The following CCDC88B variants were observed in gnomAD, a reference collection of about 807,000 sequenced individuals.
The protein encoded by CCDC88B is coiled-coil and HOOK domain protein 88B.
Under a neutral mutation model 183.7 loss-of-function variants are expected in CCDC88B, and 138 were observed. The observed-to-expected ratio is 0.75, with a 90% CI of 0.65 to 0.87. The LOEUF is 0.87. CCDC88B is among the 40% of genes least tolerant of loss of function. The probability of loss-of-function intolerance (pLI) is 0.00; values close to 1 mark genes in which losing one functional copy is unlikely to be tolerated. For synonymous variants in CCDC88B, 835 were observed against 867.5 expected (o/e 0.96, Z 0.66); for missense variants, 1,822 against 1,965.6 (o/e 0.93, Z 1.38).
Position 64,344,220 on chromosome 11 carries a change from G to C in CCDC88B, c.1679G>C (p.Ser560Thr), listed in dbSNP as rs754199185. The change falls in exon 14 of 27, where the codon AGT becomes ACT. Residue 560 changes from serine (S) to threonine (T), a missense_variant. By Grantham distance (58) the Ser-to-Thr change is moderately conservative. Coordinates refer to ENST00000356786, the MANE Select transcript of CCDC88B (RefSeq NM_032251.6). This position sits in a 1 kb window ranked among gnomAD's most constrained non-coding sequence, Gnocchi z 4.5. ...GATTCAGACCCACAGGAGGCAGAGA[G>C]TCCCCTTCAGGCAGCTGCCATGGAC... ...APDSDPQEAE[S>T]PLQAAAMDPQ... The C allele has an allele frequency of 6.2e-7, 1 of 1,612,394 alleles. No individual in the cohort carries two copies. The highest frequency in any genetic ancestry group is 8.5e-7 in the Non-Finnish European group (1 of 1,179,320).
intron 10 of CCDC88B, among the ~76,000 whole-genome samples, 163 bp from the exon 11 acceptor site, chr11:64,343,016 G>A (rs1254319516): frequency 4.0e-5 from 6 of 151,344 alleles, no homozygotes; most frequent in African/African-American, 1.2e-4. Flanking sequence ...GATCTTGGTG[G>A]GAAGAAGATG....
At chr11:64,348,857 C>A (rs778919429) in intron 14 of CCDC88B, 33 of 612,246 alleles carry the variant, frequency 5.4e-5, no homozygotes, top group Non-Finnish European at 7.8e-5. Context: ...GCCCCCTGCC[C>A]CCCCAGCCCC....
chr11:64,346,134 CT>C (rs759603753), intron 14 of CCDC88B, among the ~76,000 whole-genome samples: 1 of 152,172 alleles, frequency 6.6e-6, no homozygotes, highest in Non-Finnish European at 1.5e-5. Flanking sequence ...CAGGGTAGAA[CT>C]GTGTGGGGCT....
Position 64,354,179 on chromosome 11 carries a change from G to A in CCDC88B, c.4099+9G>A. ...GGAGGCAGATGGGACAGGTGGGTCT[G>A]GGGGTCAGGTGGCCAGGATGGTCCC... On this transcript the variant is annotated intron_variant, in intron 24 of 26. Transcript: ENST00000356786. 3.0e-6 allele frequency: 4 copies of A among 1,342,566 alleles called. No individual in the cohort carries two copies. The highest frequency in any genetic ancestry group is 3.8e-6 in the Non-Finnish European group (4 of 1,040,792). The allele number at this position is 1,342,566 out of a possible 1,614,324, so 83.2% of individuals were successfully genotyped here.
Position 64,357,388 on chromosome 11 carries a change from G to A in CCDC88B, c.*294G>A. 1 of 717,512 alleles carries A rather than the reference G, an allele frequency of 1.4e-6. No individual in the cohort carries two copies. Among genetic ancestry groups the A allele is most frequent in the Non-Finnish European group, 2.6e-6 (1 of 385,114 alleles). 44.4% of individuals were successfully genotyped at this position (717,512 alleles called of 1,614,324 possible). A position where few individuals can be genotyped will look rare whatever the true frequency, so the allele number is the denominator to read the frequency against. On this transcript the variant is annotated 3_prime_UTR_variant, in exon 27 of 27. Transcript: ENST00000356786. Reference sequence around the variant, plus strand: ...TCTCTGGGGGATCCCCCAGCTGAAGGAGGCTGGCAGGAGTTGGCAAGAGAA... The same window carrying A: ...TCTCTGGGGGATCCCCCAGCTGAAGAAGGCTGGCAGGAGTTGGCAAGAGAA...
intron 16 of CCDC88B, 45 bp downstream of exon 16, chr11:64,349,713 C>T (rs758451859): frequency 1.3e-4 from 198 of 1,520,874 alleles, no homozygotes; most frequent in Non-Finnish European, 1.8e-4. Flanking sequence ...CCACCCTGCC[C>T]TCCATCCCAT....
intron 24 of CCDC88B, among the ~76,000 whole-genome samples, chr11:64,354,426 G>A (rs1359679485): frequency 6.6e-6 from 1 of 152,118 alleles, no homozygotes; most frequent in Admixed American, 6.5e-5. Context: ...GATCTGGGAG[G>A]TGCAGTGGAC....
Position 64,357,051 on chromosome 11 carries a change from A to G in CCDC88B, c.4388A>G (p.Gln1463Arg). 1 of 1,598,308 alleles carries G rather than the reference A, an allele frequency of 6.3e-7. No homozygotes were observed. Among genetic ancestry groups the G allele is most frequent in the Non-Finnish European group, 8.5e-7 (1 of 1,170,628 alleles). Reference sequence around the variant, plus strand: ...CCTTTCCCTCTAGGCCCTGAGGTACAGGAACCGGAGAAACGTCCCCTCACC... The same window carrying G: ...CCTTTCCCTCTAGGCCCTGAGGTACGGGAACCGGAGAAACGTCCCCTCACC... ...TDANREGPEV[Q>R]EPEKRPLTPS... Residue 1463 changes from glutamine to arginine, a missense_variant, in exon 27 of 27, where the codon CAG becomes CGG. Transcript: ENST00000356786.
At position 64,344,532 on chromosome 11, in the gene CCDC88B, A is replaced by G; in HGVS notation, c.1991A>G (p.Glu664Gly). 3 of 1,605,582 alleles carry G rather than the reference A, an allele frequency of 1.9e-6. No homozygotes were observed. Among genetic ancestry groups the G allele is most frequent in the South Asian group, 1.1e-5 (1 of 90,272 alleles). ...AGCTCTGTGCAGCTGGAGGAGCAGG[A>G]GGGCCCAAACCAGGGCCTGGACCTG... ...EPSSVQLEEQ[E>G]GPNQGLDLAT... is the part of the protein sequence containing the mutation. Residue 664 changes from glutamate (E) to glycine (G), a missense_variant, in exon 14 of 27, where the codon GAG (glutamate) becomes GGG (glycine). Coordinates refer to ENST00000356786, the MANE Select transcript of CCDC88B (RefSeq NM_032251.6). This position sits in a 1 kb window ranked among gnomAD's most constrained non-coding sequence, Gnocchi z 4.5.
intron 16 of CCDC88B, 69 bp from the exon 17 acceptor site, chr11:64,351,091 G>T (rs1481478336): frequency 2.6e-6 from 3 of 1,163,110 alleles, no homozygotes; most frequent in African/African-American, 1.6e-5. Flanking sequence ...GTCCATAAGC[G>T]CAGGTCCTTG....
At chr11:64,346,510 G>C (rs1029791411) in intron 14 of CCDC88B, among the ~76,000 whole-genome samples, 2 of 150,580 alleles carry the variant, frequency 1.3e-5, no homozygotes, top group African/African-American at 4.9e-5. Context: ...GTGCTATCTC[G>C]GCTCACTGCA....
At chr11:64,351,034 T>G in intron 16 of CCDC88B, 126 bp from the exon 17 acceptor site, 1 of 586,560 alleles carries the variant, frequency 1.7e-6, no homozygotes, top group South Asian at 2.6e-5. Flanking sequence ...AGGGAAGGCA[T>G]GGGATTGGGG....
Position 64,343,279 on chromosome 11 carries a change from A to G in CCDC88B, c.1163A>G (p.Gln388Arg), listed in dbSNP as rs1404647836. 53 of 1,549,802 alleles carry G rather than the reference A, an allele frequency of 3.4e-5. No homozygotes were observed. Among genetic ancestry groups the G allele is most frequent in the Non-Finnish European group, 4.3e-5 (49 of 1,146,810 alleles). The part of the protein sequence containing the change: ...RERCARLHET[Q>R]RENLLLRTRL... Reference sequence around the variant, plus strand: ...CGCTGCGCCCGGCTGCACGAGACCCAGCGCGAGAACCTGCTGCTGCGAACC... The same window carrying G: ...CGCTGCGCCCGGCTGCACGAGACCCGGCGCGAGAACCTGCTGCTGCGAACC... Residue 388 changes from glutamine to arginine, a missense_variant, in exon 11 of 27, where the codon CAG becomes CGG. Coordinates refer to ENST00000356786, the MANE Select transcript of CCDC88B (RefSeq NM_032251.6).
At position 64,352,791 on chromosome 11, in the gene CCDC88B, T is replaced by G. The variant is rs1591296834; in HGVS notation, c.3404T>G (p.Val1135Gly). Residue 1135 changes from valine (V) to glycine (G), a missense_variant, in exon 20 of 27, where the codon GTG becomes GGG. Val to Gly is a moderately radical substitution (Grantham distance 109, BLOSUM62 -3). Transcript: ENST00000356786. ...CGGGCCAGCGTGGAGGCACAGGAGG[T>G]GGCCCTGCTGGCAGAGCGTGAACGC... ...AQRASVEAQE[V>G]ALLAERERLM... The G allele has an allele frequency of 1.2e-6, 2 of 1,613,306 alleles. No individual in the cohort carries two copies. Among genetic ancestry groups the G allele is most frequent in the East Asian group, 4.5e-5 (2 of 44,876 alleles).
At position 64,353,702 on chromosome 11, in the gene CCDC88B, T is replaced by C. The variant is rs2036432509; in HGVS notation, c.3834-13T>C. ...GGGCCTCACACCCACCTCTCCCTTCTCACTCCTGCCAGGGACCAGCTTAAT... is the reference window on the plus strand; with the variant it reads ...GGGCCTCACACCCACCTCTCCCTTCCCACTCCTGCCAGGGACCAGCTTAAT... On this transcript the variant is annotated splice_polypyrimidine_tract_variant and intron_variant, in intron 22 of 26. Transcript: ENST00000356786. 1 of 1,613,772 alleles carries C rather than the reference T, an allele frequency of 6.2e-7. No individual in the cohort carries two copies.
Position 64,340,946 on chromosome 11 carries a change from C to A in CCDC88B, c.246C>A (p.Gly82=). 1 of 1,593,412 alleles carries A rather than the reference C, an allele frequency of 6.3e-7. No individual in the cohort carries two copies. Among genetic ancestry groups the A allele is most frequent in the Non-Finnish European group, 8.6e-7 (1 of 1,169,076 alleles). Residue 82 remains glycine (G), a synonymous_variant, in exon 3 of 27, where the codon GGC becomes GGA. Coordinates refer to ENST00000356786, the MANE Select transcript of CCDC88B (RefSeq NM_032251.6). ...SSRGGPRMLR[G]LDGPAAWRVW... is the part of the protein sequence containing the mutation. ...GAGGGGGACCTCGGATGCTCAGAGG[C>A]CTTGACGGACCTGCTGCCTGGCGAG...
intron 9 of CCDC88B, 36 bp downstream of exon 9, chr11:64,342,411 C>G: frequency 1.3e-6 from 2 of 1,552,746 alleles, no homozygotes; most frequent in Non-Finnish European, 1.7e-6. Context: ...GCGGCATTCC[C>G]TAACCTCCCC....
chr11:64,342,174 G>A (rs769291514), intron 8 of CCDC88B, 35 bp downstream of exon 8: 1 of 1,600,046 alleles, frequency 6.2e-7, no homozygotes, highest in Non-Finnish European at 8.5e-7. Context: ...GGACTGAGTG[G>A]AGAGGGGCAG....
rs771840854 is a variant in CCDC88B, at chr11:64,357,255, C to G, written c.*161C>G. ...ATCCTCCACGGTCAGCGCCGGGGCC[C>G]GGAGATGGAGCTGGGACGAGTGTGT... is the stretch of plus-strand genomic sequence containing the variant. On this transcript the variant is annotated 3_prime_UTR_variant, in exon 27 of 27. Coordinates refer to ENST00000356786, the MANE Select transcript of CCDC88B (RefSeq NM_032251.6). 2 of 855,610 alleles carry G rather than the reference C, an allele frequency of 2.3e-6. No homozygotes were observed. Among genetic ancestry groups the G allele is most frequent in the Middle Eastern group, 2.1e-4 (1 of 4,676 alleles). 53.0% of individuals were successfully genotyped at this position (855,610 alleles called of 1,614,324 possible).
Sources: allele counts gnomAD v4.1 joint callset (sites outside exome capture counted in the v4.1 genomes callset), GRCh38; gene constraint gnomAD v4.1.1; non-coding constraint Gnocchi (gnomAD v3.1); transcripts MANE v1.5; gene names NCBI Gene and HGNC (gene_info 2026-07-23, HGNC 2026-07-21).